FAT4: variants seen among roughly 807,000 people sequenced by gnomAD.
FAT4 encodes the protein FAT atypical cadherin 4, also known as protocadherin Fat 4.
A neutral mutation model predicts 303.9 loss-of-function variants in FAT4; 84 were observed. The observed-to-expected ratio is 0.28, with a 90% confidence interval of 0.23 to 0.33. The LOEUF (loss-of-function observed/expected upper bound fraction) is 0.33, where lower values mean the gene tolerates loss of function less well. Ranked by LOEUF, FAT4 falls within the 10% of genes least tolerant of loss-of-function variation. The pLI is 1.00. For missense variants in FAT4, 6,005 were observed against 6,146.8 expected (o/e 0.98, Z 0.77); for synonymous variants, 2,307 against 2,298.8 (o/e 1.00, Z -0.10).
In FAT4 at chr4:125,451,374, T is replaced by A. The variant is rs1726064145; in HGVS notation, c.10364T>A (p.Phe3455Tyr). Reference protein sequence around the residue: ...FIGSGNENGAFSINPQTGQIT... With the variant: ...FIGSGNENGAYSINPQTGQIT... ...GGATCAGGGAATGAAAATGGTGCCT[T>A]TTCTATTAATCCGCAGACAGGACAG... The change falls in exon 10 of 18, where the codon TTT becomes TAT. Residue 3455 changes from phenylalanine to tyrosine, a missense_variant. By Grantham distance (22) the Phe-to-Tyr change is conservative. Transcript: ENST00000394329. 1 of 1,614,124 alleles carries A rather than the reference T, an allele frequency of 6.2e-7. No homozygotes were observed. The highest frequency in any genetic ancestry group is 8.5e-7 in the Non-Finnish European group (1 of 1,180,006).
At position 125,318,842 on chromosome 4, in the gene FAT4, C is replaced by T. The variant is rs1307860920; in HGVS notation, c.2431C>T (p.His811Tyr). 1.2e-6 allele frequency: 2 copies of T among 1,614,098 alleles called. No homozygotes were observed. The highest frequency in any genetic ancestry group is 2.2e-5 in the South Asian group (2 of 91,074). The change falls in exon 2 of 18, where the codon CAT (histidine) becomes TAT (tyrosine). Residue 811 changes from histidine (H) to tyrosine (Y), a missense_variant. Physicochemically the swap from His to Tyr is moderately conservative, Grantham distance 83. Coordinates refer to ENST00000394329, the MANE Select transcript of FAT4 (RefSeq NM_001291303.3). ...TTTTGAGAACGTGGCGCTGGGATAT[C>T]ATGTGGGTAGTGTGTCTGCATCCAC... ...VVFENVALGY[H>Y]VGSVSASTMD...
intron 2 of FAT4, among the ~76,000 whole-genome samples, chr4:125,374,267 A>G (rs530264623): frequency 2.5e-4 from 38 of 152,354 alleles, no homozygotes; most frequent in South Asian, 6.2e-4. Context: ...GTAAGGAAAG[A>G]ATGTAAATCC....
In FAT4 at chr4:125,316,364, C is replaced by G; in HGVS notation, c.-12-36C>G. On this transcript the variant is annotated intron_variant, in intron 1 of 17. Coordinates refer to ENST00000394329, the MANE Select transcript of FAT4 (RefSeq NM_001291303.3). This position sits in a 1 kb window ranked among gnomAD's most constrained non-coding sequence, Gnocchi z 5.7. ...ATCCCTGTAAATATCATTGCGTTTGCTTCACCCCTTCCTTCTCTTTATCAC... is the reference window on the plus strand; with the variant it reads ...ATCCCTGTAAATATCATTGCGTTTGGTTCACCCCTTCCTTCTCTTTATCAC... 1 of 1,542,284 alleles carries G rather than the reference C, an allele frequency of 6.5e-7. No individual in the cohort carries two copies. Among genetic ancestry groups the G allele is most frequent in the East Asian group, 2.3e-5 (1 of 44,156 alleles).
intron 11 of FAT4, among the ~76,000 whole-genome samples, chr4:125,466,009 T>C (rs1410773293): frequency 6.6e-6 from 1 of 152,186 alleles, no homozygotes; most frequent in Non-Finnish European, 1.5e-5. Flanking sequence ...TACACTTGCA[T>C]CCTTTAAAAC....
At position 125,319,421 on chromosome 4, in the gene FAT4, A is replaced by T. The variant is rs1341130829; in HGVS notation, c.3010A>T (p.Thr1004Ser). 6.2e-7 allele frequency: 1 copy of T among 1,613,740 alleles called. No homozygotes were observed. The highest frequency in any genetic ancestry group is 8.5e-7 in the Non-Finnish European group (1 of 1,179,938). The change falls in exon 2 of 18, where the codon ACC becomes TCC. Residue 1004 changes from threonine (T) to serine (S), a missense_variant. Transcript: ENST00000394329. The stretch of plus-strand genomic sequence containing the variant: ...GTTTGACCAACTCTCTTATGAAGTC[A>T]CCCTTTCTGAGTCAGAACCTGTGAA... ...PVFDQLSYEV[T>S]LSESEPVNSR... is the part of the protein sequence containing the mutation.
Position 125,449,429 on chromosome 4 carries a change from G to C in FAT4, c.8419G>C (p.Ala2807Pro). 6.2e-7 allele frequency: 1 copy of C among 1,613,760 alleles called. No individual in the cohort carries two copies. Among genetic ancestry groups the C allele is most frequent in the Non-Finnish European group, 8.5e-7 (1 of 1,179,812 alleles). The change falls in exon 10 of 18, where the codon GCA becomes CCA. Residue 2807 changes from alanine to proline, a missense_variant. By Grantham distance (27) the Ala-to-Pro change is conservative (BLOSUM62 -1). Transcript: ENST00000394329. ...TTCTGATGAAGACATTGGGATCAAT[G>C]CAATTAGTAGATATTCTATAATGGA... is the stretch of plus-strand genomic sequence containing the variant. ...TTSDEDIGINAISRYSIMDAS... is the reference protein window; with the variant it reads ...TTSDEDIGINPISRYSIMDAS...
chr4:125,492,913 T>A lies in FAT4; in HGVS notation c.*1145T>A, dbSNP rs2126100166. 1 of 152,610 alleles carries A rather than the reference T, an allele frequency of 6.6e-6. No homozygotes were observed. Among genetic ancestry groups the A allele is most frequent in the East Asian group, 1.9e-4 (1 of 5,176 alleles). 9.5% of individuals were successfully genotyped at this position (152,610 alleles called of 1,614,324 possible). On this transcript the variant is annotated 3_prime_UTR_variant, in exon 18 of 18. Transcript: ENST00000394329. ...TACTTGTAAATGTCAACAATAGAAT[T>A]AAAATATTTATTTAAAATATTTTGT...
intron 7 of FAT4, among the ~76,000 whole-genome samples, chr4:125,425,255 G>A (rs2036723): frequency 0.99 from 150,873 of 152,286 alleles, 74,750 homozygotes; most frequent in East Asian, 1. Context: ...ACAAAAATTT[G>A]TGTTATAAAA....
Position 125,490,297 on chromosome 4 carries a change from G to A in FAT4, c.13481G>A (p.Ser4494Asn). 6.2e-7 allele frequency: 1 copy of A among 1,614,130 alleles called. No homozygotes were observed. The highest frequency in any genetic ancestry group is 8.5e-7 in the Non-Finnish European group (1 of 1,180,024). Residue 4494 changes from serine (S) to asparagine (N), a missense_variant, in exon 18 of 18, where the codon AGT (serine) becomes AAT (asparagine). Ser to Asn is a conservative substitution (Grantham distance 46). Transcript: ENST00000394329. ...CCTGCGGGGCATGTCTGTGTTCTGA[G>A]TCAGGGCCCTGAAGAGATCTCTCTG... ...GSPAGHVCVL[S>N]QGPEEISLPL... is the part of the protein sequence containing the mutation.
chr4:125,408,395 A>G, intron 4 of FAT4, 49 bp from the exon 5 acceptor site: 1 of 1,248,224 alleles, frequency 8.0e-7, no homozygotes, highest in South Asian at 1.5e-5. Flanking sequence ...TCTCTTAGTA[A>G]TACTTCTTAC....
intron 2 of FAT4, among the ~76,000 whole-genome samples, chr4:125,370,948 C>T (rs1578568573): frequency 6.6e-6 from 1 of 151,948 alleles, no homozygotes; most frequent in Non-Finnish European, 1.5e-5. Context: ...GAGTTCGAAA[C>T]CAGCCTGGCC....
intron 2 of FAT4, among the ~76,000 whole-genome samples, chr4:125,385,286 G>C (rs6826288): frequency 0.018 from 2,765 of 152,070 alleles, 87 homozygotes; most frequent in African/African-American, 0.064. Context: ...GCCTCCCAAA[G>C]TGCTGGGATT....
intron 10 of FAT4, among the ~76,000 whole-genome samples, chr4:125,454,627 AG>A (rs1366056017): frequency 6.6e-6 from 1 of 152,044 alleles, no homozygotes; most frequent in Non-Finnish European, 1.5e-5. Flanking sequence ...TGAGGTCAGG[AG>A]TTCAAGACCA....
chr4:125,317,512 A>G lies in FAT4; in HGVS notation c.1101A>G (p.Val367=), dbSNP rs57692448. The change falls in exon 2 of 18, where the codon GTA becomes GTG. Residue 367 remains valine, a synonymous_variant. Transcript: ENST00000394329. The surrounding 1 kb of genome is among the most constrained non-coding windows in gnomAD (Gnocchi z 7.0). The part of the protein sequence containing the change: ...YFPATSRYAS[V]DENAQVGTVV... ...CGGCCACCTCGCGCTACGCCTCGGT[A>G]GATGAGAATGCTCAAGTGGGCACCG... The G allele has an allele frequency of 2.7e-3, 4,380 of 1,613,876 alleles. 85 individuals are homozygous for G. The African/African-American group carries it at 0.048, about 18-fold the overall frequency.
At chr4:125,399,981 G>C (rs982858666) in intron 3 of FAT4, among the ~76,000 whole-genome samples, 3 of 151,746 alleles carry the variant, frequency 2.0e-5, no homozygotes, top group Non-Finnish European at 4.4e-5. Flanking sequence ...TTTTCTTAAA[G>C]TTTATCATTG....
In FAT4 at chr4:125,318,934, C is replaced by T. The variant is rs1233547713; in HGVS notation, c.2523C>T (p.Ile841=). The T allele has an allele frequency of 6.2e-7, 1 of 1,614,084 alleles. No homozygotes were observed. The highest frequency in any genetic ancestry group is 1.3e-5 in the African/African-American group (1 of 74,934). The change falls in exon 2 of 18, where the codon ATC becomes ATT. Residue 841 remains isoleucine (I), a synonymous_variant. Coordinates refer to ENST00000394329, the MANE Select transcript of FAT4 (RefSeq NM_001291303.3). ...TTGDQKGMFA[I]NQVTGQLTTA... ...GGGATCAGAAAGGTATGTTTGCTAT[C>T]AACCAGGTCACTGGGCAGCTTACCA...
Position 125,320,411 on chromosome 4 carries a change from G to T in FAT4, c.4000G>T (p.Val1334Leu). The T allele has an allele frequency of 6.2e-7, 1 of 1,613,810 alleles. No individual in the cohort carries two copies. Among genetic ancestry groups the T allele is most frequent in the Non-Finnish European group, 8.5e-7 (1 of 1,179,766 alleles). Residue 1334 changes from valine (V) to leucine (L), a missense_variant, in exon 2 of 18, where the codon GTG (valine) becomes TTG (leucine). Coordinates refer to ENST00000394329, the MANE Select transcript of FAT4 (RefSeq NM_001291303.3). The stretch of plus-strand genomic sequence containing the variant: ...GGAAAACATGAGAATTGGTGAACTC[G>T]TGTCCTCTGTTACTGCAACTGATTC... ...VLENMRIGEL[V>L]SSVTATDSDS...
chr4:125,483,946 T>G (rs1482930729), intron 16 of FAT4, among the ~76,000 whole-genome samples: 3 of 150,108 alleles, frequency 2.0e-5, no homozygotes, highest in Admixed American at 6.6e-5. Context: ...GTTTTTTTTT[T>G]TTTTTTTTTT....
At chr4:125,444,659 GA>G (rs1397226360) in intron 8 of FAT4, among the ~76,000 whole-genome samples, 2 of 12,836 alleles carry the variant, frequency 1.6e-4, no homozygotes, top group Non-Finnish European at 3.3e-4. Flanking sequence ...ACATCCAGAT[GA>G]AAATTTATGT....
Sources: allele counts gnomAD v4.1 joint callset (sites outside exome capture counted in the v4.1 genomes callset), GRCh38; gene constraint gnomAD v4.1.1; non-coding constraint Gnocchi (gnomAD v3.1); transcripts MANE v1.5; gene names NCBI Gene and HGNC (gene_info 2026-07-23, HGNC 2026-07-21).